Variants in CDK8 observed in about 807,000 individuals in gnomAD.
CDK8 encodes the protein cyclin dependent kinase 8, also known as cyclin-dependent kinase 8.
Under a neutral mutation model 71.5 loss-of-function variants are expected in CDK8, and 29 were observed. The observed-to-expected ratio is 0.41, with a 90% CI of 0.30 to 0.55. CDK8 has a LOEUF of 0.55. CDK8 is among the 20% of genes least tolerant of loss of function. The pLI is 0.37. For synonymous variants in CDK8, 161 were observed against 192.1 expected (o/e 0.84, Z 1.34); for missense variants, 288 against 572.6 (o/e 0.50, Z 5.07).
chr13:26,340,885 G>T (rs191398044), intron 2 of CDK8, among the ~76,000 whole-genome samples: 190 of 152,212 alleles, frequency 1.2e-3, no homozygotes, highest in Admixed American at 6.7e-3. Flanking sequence ...AAGGAACTCT[G>T]AAAATTTCTT....
At chr13:26,257,119 G>A (rs552400516) in intron 1 of CDK8, among the ~76,000 whole-genome samples, 2 of 152,142 alleles carry the variant, frequency 1.3e-5, no homozygotes, top group Admixed American at 6.5e-5. Context: ...TTCTAGTATT[G>A]ATTTACTTTC....
intron 1 of CDK8, among the ~76,000 whole-genome samples, chr13:26,333,825 C>T (rs1394559201): frequency 5.3e-5 from 8 of 152,130 alleles, no homozygotes; most frequent in African/African-American, 1.9e-4. Context: ...AAGGGATACT[C>T]GGTCTGTATT....
At chr13:26,315,516 A>G (rs1874468785) in intron 1 of CDK8, among the ~76,000 whole-genome samples, 1 of 152,144 alleles carries the variant, frequency 6.6e-6, no homozygotes, top group Admixed American at 6.6e-5. Flanking sequence ...AGGGGAGGGG[A>G]TGTTCCTTCA....
chr13:26,296,809 C>T (rs1231080170), intron 1 of CDK8, among the ~76,000 whole-genome samples: 1 of 152,126 alleles, frequency 6.6e-6, no homozygotes, highest in Non-Finnish European at 1.5e-5. Context: ...TCTGTCTTTA[C>T]TGTTAGGTCT....
At chr13:26,394,461 A>G (rs1300831589) in intron 7 of CDK8, among the ~76,000 whole-genome samples, 2 of 152,236 alleles carry the variant, frequency 1.3e-5, no homozygotes, top group Non-Finnish European at 2.9e-5. Flanking sequence ...GCCATGTGCC[A>G]GGCACTGTCT....
intron 4 of CDK8, among the ~76,000 whole-genome samples, chr13:26,357,336 G>A (rs2138004809): frequency 6.6e-6 from 1 of 152,270 alleles, no homozygotes; most frequent in Admixed American, 6.5e-5. Flanking sequence ...AGAAACATAA[G>A]CAGTATTTAT....
At chr13:26,380,108 C>T (rs574521231) in intron 4 of CDK8, among the ~76,000 whole-genome samples, 2 of 152,206 alleles carry the variant, frequency 1.3e-5, no homozygotes, top group East Asian at 1.9e-4. Context: ...GCCTGCCAGG[C>T]GCCTTGCATC....
At chr13:26,347,028 A>C (rs539416967) in intron 2 of CDK8, among the ~76,000 whole-genome samples, 1 of 152,278 alleles carries the variant, frequency 6.6e-6, no homozygotes, top group South Asian at 2.1e-4. Flanking sequence ...AACCTGTTTT[A>C]ACTGATAAAG....
At chr13:26,356,430 A>T (rs1873901153) in intron 4 of CDK8, among the ~76,000 whole-genome samples, 1 of 152,184 alleles carries the variant, frequency 6.6e-6, no homozygotes, top group South Asian at 2.1e-4. Context: ...TTTTCTGTGC[A>T]TGACTTAGTG....
At chr13:26,368,500 A>G (rs1874498820) in intron 4 of CDK8, among the ~76,000 whole-genome samples, 1 of 152,172 alleles carries the variant, frequency 6.6e-6, no homozygotes. Context: ...GAAAGAAAAC[A>G]TGCTGCCAAT....
chr13:26,355,568 C>T (rs552714456), intron 4 of CDK8, among the ~76,000 whole-genome samples: 71 of 152,208 alleles, frequency 4.7e-4, no homozygotes, highest in African/African-American at 1.3e-3. Flanking sequence ...GAGCCAAGAT[C>T]GCGCCACTTC....
chr13:26,339,451 C>T (rs1873131882), intron 2 of CDK8, among the ~76,000 whole-genome samples: 1 of 151,880 alleles, frequency 6.6e-6, no homozygotes. Context: ...TCTGTCTAGC[C>T]TTATACCAAT....
At chr13:26,398,856 C>T (rs978932575) in intron 9 of CDK8, among the ~76,000 whole-genome samples, 37 of 150,742 alleles carry the variant, frequency 2.5e-4, no homozygotes, top group South Asian at 6.3e-4. Context: ...CCCAGCTACT[C>T]GGGAGGTTGA....
intron 1 of CDK8, among the ~76,000 whole-genome samples, chr13:26,284,060 T>C (rs549410192): frequency 1.1e-4 from 17 of 152,264 alleles, no homozygotes; most frequent in Non-Finnish European, 2.5e-4. Context: ...AACAATGAAA[T>C]CAAGGTGGAA....
At chr13:26,382,976 T>A (rs1232111239) in intron 5 of CDK8, 105 bp downstream of exon 5, 4 of 614,646 alleles carry the variant, frequency 6.5e-6, no homozygotes, top group Non-Finnish European at 1.1e-5. Context: ...ATTCATGTAG[T>A]TCCATATGAT....
chr13:26,327,256 A>G (rs1373689013), intron 1 of CDK8, among the ~76,000 whole-genome samples: 1 of 152,220 alleles, frequency 6.6e-6, no homozygotes, highest in Non-Finnish European at 1.5e-5. Flanking sequence ...TAATTTATCA[A>G]TAAGAATTTT....
intron 4 of CDK8, among the ~76,000 whole-genome samples, chr13:26,369,004 TAAG>T (rs1874524935): frequency 6.6e-6 from 1 of 152,136 alleles, no homozygotes; most frequent in South Asian, 2.1e-4. Flanking sequence ...TTTTCACAAG[TAAG>T]TTTGGTCAGT....
At chr13:26,403,398 A>G (rs568568966) in intron 12 of CDK8, among the ~76,000 whole-genome samples, 11 of 152,214 alleles carry the variant, frequency 7.2e-5, no homozygotes, top group South Asian at 2.1e-4. Flanking sequence ...CTATAATCCT[A>G]GCAATGATTA....
intron 1 of CDK8, among the ~76,000 whole-genome samples, chr13:26,276,003 C>T (rs1872548944): frequency 1.3e-5 from 2 of 152,104 alleles, no homozygotes; most frequent in Non-Finnish European, 1.5e-5. Flanking sequence ...GCTGGGACTA[C>T]AGGTGCATGC....
Sources: gnomAD v4.1 joint callset for allele counts (sites outside exome capture counted in the v4.1 genomes callset) on GRCh38, gnomAD v4.1.1 for gene constraint, MANE v1.5 for transcripts, NCBI Gene and HGNC (gene_info 2026-07-23, HGNC 2026-07-21) for gene names.